SUFU: variants seen among roughly 807,000 people sequenced by gnomAD.
The protein encoded by SUFU is suppressor of fused homolog.
Under a neutral mutation model 58.9 loss-of-function variants are expected in SUFU, and 7 were observed. That is an observed-to-expected ratio of 0.12 (90% CI 0.07 to 0.22). The LOEUF (loss-of-function observed/expected upper bound fraction) is 0.22, where lower values mean the gene tolerates loss of function less well. Among genes scored for constraint, SUFU ranks in the 10% least tolerant of loss-of-function variants. The pLI is 1.00. For synonymous variants in SUFU, 232 were observed against 254.8 expected (o/e 0.91, Z 0.85); for missense variants, 451 against 641.3 (o/e 0.70, Z 3.20).
intron 3 of SUFU, among the ~76,000 whole-genome samples, chr10:102,553,425 G>T (rs1590022044): frequency 6.6e-6 from 1 of 151,890 alleles, no homozygotes; most frequent in East Asian, 1.9e-4. Flanking sequence ...AGGTTGAGCT[G>T]CATGTTCAAG....
chr10:102,576,292 CCTT>C (rs554769214), intron 3 of SUFU, among the ~76,000 whole-genome samples: 98 of 152,140 alleles, frequency 6.4e-4, no homozygotes, highest in African/African-American at 2.3e-3. Context: ...TATGTATTCA[CCTT>C]CTTCTGGGTA....
chr10:102,568,935 T>A (rs55828028), intron 3 of SUFU, among the ~76,000 whole-genome samples: 1 of 34,920 alleles, frequency 2.9e-5, no homozygotes, highest in Non-Finnish European at 5.6e-5. Flanking sequence ...TATATATATA[T>A]ATATATATAT....
At chr10:102,580,657 T>C (rs1335705329) in intron 3 of SUFU, among the ~76,000 whole-genome samples, 1 of 152,114 alleles carries the variant, frequency 6.6e-6, no homozygotes, top group African/African-American at 2.4e-5. Flanking sequence ...TACTGTTAGG[T>C]TGAGGGAGAA....
At chr10:102,565,360 G>A (rs1833120767) in intron 3 of SUFU, among the ~76,000 whole-genome samples, 1 of 152,154 alleles carries the variant, frequency 6.6e-6, no homozygotes, top group Admixed American at 6.6e-5. Context: ...CCTTAGCTGG[G>A]TCCTGTGCTC....
chr10:102,507,244 A>G (rs1044043574), intron 1 of SUFU, among the ~76,000 whole-genome samples: 1 of 152,192 alleles, frequency 6.6e-6, no homozygotes, highest in Non-Finnish European at 1.5e-5. Flanking sequence ...AGAGGGCTGC[A>G]GGGATGCTGC....
chr10:102,549,757 T>A (rs539648214), intron 2 of SUFU, among the ~76,000 whole-genome samples: 1 of 152,240 alleles, frequency 6.6e-6, no homozygotes, highest in African/African-American at 2.4e-5. Flanking sequence ...CACATCCACA[T>A]ACCCGCAGCT....
Position 102,617,497 on chromosome 10 carries a change from C to A in SUFU, c.1296+69C>A. ...TCCTTGCCCACCCCTCCTCTTCTCC[C>A]TTGGCAGCTCTTGATGGCACCCCTT... On this transcript the variant is annotated intron_variant, in intron 10 of 11. Transcript: ENST00000369902. This position sits in a 1 kb window ranked among gnomAD's most constrained non-coding sequence, Gnocchi z 4.4. The A allele has an allele frequency of 6.2e-7, 1 of 1,606,974 alleles. No individual in the cohort carries two copies. Among genetic ancestry groups the A allele is most frequent in the Non-Finnish European group, 8.5e-7 (1 of 1,173,812 alleles).
chr10:102,591,431 C>A (rs1231816363), intron 3 of SUFU: 2 of 149,868 alleles, frequency 1.3e-5, no homozygotes, highest in African/African-American at 4.9e-5. Context: ...ACCCAGGAGG[C>A]GGAGGTTGCA....
rs2062368359 is a variant in SUFU, at chr10:102,509,215, G to A, written c.229G>A (p.Val77Met). The change falls in exon 2 of 12, where the codon GTG (valine) becomes ATG (methionine). Residue 77 changes from valine to methionine, a missense_variant. Coordinates refer to ENST00000369902, the MANE Select transcript of SUFU (RefSeq NM_016169.4). ...GGACTATGTTAGCATGTACAGGAAT[G>A]TGGGGAGCCCTTCTGCTAACATCCC... ...PLDYVSMYRN[V>M]GSPSANIPEH... 2 of 1,614,226 alleles carry A rather than the reference G, an allele frequency of 1.2e-6. No homozygotes were observed. The highest frequency in any genetic ancestry group is 1.7e-6 in the Non-Finnish European group (2 of 1,180,044).
chr10:102,565,613 C>T (rs1197743485), intron 3 of SUFU, among the ~76,000 whole-genome samples: 2 of 152,184 alleles, frequency 1.3e-5, no homozygotes, highest in African/African-American at 4.8e-5. Flanking sequence ...GGCGCGATCT[C>T]GGCTCACTGC....
chr10:102,617,696 G>A lies in SUFU; in HGVS notation c.1296+268G>A. ...CCAGGCCCTGGCTCTTGGTAATTCT[G>A]GTTCCCCGTGGAAATCCAGGTTGGA... On this transcript the variant is annotated intron_variant, in intron 10 of 11. Coordinates refer to ENST00000369902, the MANE Select transcript of SUFU (RefSeq NM_016169.4). The surrounding 1 kb of genome is among the most constrained non-coding windows in gnomAD (Gnocchi z 4.4). 1.7e-6 allele frequency: 1 copy of A among 601,404 alleles called. No homozygotes were observed. Among genetic ancestry groups the A allele is most frequent in the Non-Finnish European group, 3.0e-6 (1 of 333,888 alleles). 37.3% of individuals were successfully genotyped at this position (601,404 alleles called of 1,614,324 possible).
At chr10:102,513,470 C>A (rs1156767415) in intron 2 of SUFU, among the ~76,000 whole-genome samples, 3 of 152,186 alleles carry the variant, frequency 2.0e-5, no homozygotes, top group Admixed American at 6.5e-5. Context: ...TAATAGATGT[C>A]TTGGGGGATA....
chr10:102,615,733 C>A (rs1412147555), intron 9 of SUFU, among the ~76,000 whole-genome samples: 6 of 152,190 alleles, frequency 3.9e-5, no homozygotes, highest in Non-Finnish European at 8.8e-5. Flanking sequence ...TCTGGCTGGC[C>A]TAGGTGGTGA....
chr10:102,604,182 T>A lies in SUFU; in HGVS notation c.1022+4638T>A, dbSNP rs537319993. Among the ~76,000 whole-genome samples, 11 of 152,206 alleles carry A rather than the reference T, an allele frequency of 7.2e-5. No individual in the cohort carries two copies. In the South Asian group the frequency reaches 2.3e-3, roughly 32 times the overall value. Reference sequence around the variant, plus strand: ...AGAAAGCCCAGAAAGAAACAGCCCTTCTCTTAGGGCCCCAGCCAGACTCTG... The same window carrying A: ...AGAAAGCCCAGAAAGAAACAGCCCTACTCTTAGGGCCCCAGCCAGACTCTG... On this transcript the variant is annotated intron_variant, in intron 8 of 11. Transcript: ENST00000369902.
At chr10:102,584,430 C>T (rs2063315648) in intron 3 of SUFU, among the ~76,000 whole-genome samples, 1 of 152,140 alleles carries the variant, frequency 6.6e-6, no homozygotes, top group South Asian at 2.1e-4. Context: ...GATCCTCTCA[C>T]TGGGCCTCCC....
intron 10 of SUFU, among the ~76,000 whole-genome samples, chr10:102,624,036 T>C (rs1437630734): frequency 2.0e-5 from 3 of 152,200 alleles, no homozygotes; most frequent in African/African-American, 7.2e-5. Context: ...AGAACTGCCA[T>C]AAGGATTCAA....
Position 102,630,589 on chromosome 10 carries a change from C to G in SUFU, c.*434C>G, listed in dbSNP as rs2063829504. On this transcript the variant is annotated 3_prime_UTR_variant, in exon 12 of 12. Coordinates refer to ENST00000369902, the MANE Select transcript of SUFU (RefSeq NM_016169.4). ...CACTTCCCAGCTCATCTCTGGAAGCCTTTGCTACTCAAGCTCCTCTGGCCG... is the reference window on the plus strand; with the variant it reads ...CACTTCCCAGCTCATCTCTGGAAGCGTTTGCTACTCAAGCTCCTCTGGCCG... The G allele has an allele frequency of 3.0e-6, 1 of 338,866 alleles. No individual in the cohort carries two copies. Among genetic ancestry groups the G allele is most frequent in the African/African-American group, 2.0e-5 (1 of 49,644 alleles). 21.0% of individuals were successfully genotyped at this position (338,866 alleles called of 1,614,324 possible). A position where few individuals can be genotyped will look rare whatever the true frequency, so the allele number is the denominator to read the frequency against.
intron 2 of SUFU, among the ~76,000 whole-genome samples, chr10:102,525,087 C>A (rs1334809996): frequency 6.6e-6 from 1 of 152,186 alleles, no homozygotes; most frequent in East Asian, 1.9e-4. Flanking sequence ...ATTGTCTGAA[C>A]CTTGCTTTAT....
At chr10:102,510,339 A>G (rs1159799472) in intron 2 of SUFU, among the ~76,000 whole-genome samples, 3 of 151,450 alleles carry the variant, frequency 2.0e-5, no homozygotes, top group Admixed American at 6.6e-5. Context: ...CCTCCTGAGT[A>G]CCTGGGACTA....
Sources: allele counts gnomAD v4.1 joint callset (sites outside exome capture counted in the v4.1 genomes callset), GRCh38; gene constraint gnomAD v4.1.1; non-coding constraint Gnocchi (gnomAD v3.1); transcripts MANE v1.5; gene names NCBI Gene and HGNC (gene_info 2026-07-23, HGNC 2026-07-21).